The following SH3RF1 variants were observed in gnomAD, a reference collection of about 807,000 sequenced individuals.
SH3RF1 encodes SH3 domain containing ring finger 1.
Under a neutral mutation model 74.0 loss-of-function variants are expected in SH3RF1, and 32 were observed. The ratio of observed to expected loss-of-function variants is 0.43; its 90% CI spans 0.33 to 0.58. SH3RF1 has a LOEUF of 0.58. Ranked by LOEUF, SH3RF1 falls within the 20% of genes least tolerant of loss-of-function variation. The pLI, the probability that SH3RF1 is intolerant of heterozygous loss-of-function variation, is 0.05. For synonymous variants in SH3RF1, 396 were observed against 439.6 expected, an observed-to-expected ratio of 0.90 and a Z score of 1.24; for missense variants, 954 against 1,130.9, an observed-to-expected ratio of 0.84 and a Z score of 2.24.
chr4:169,220,632 G>A (rs959792780), intron 2 of SH3RF1, among the ~76,000 whole-genome samples: 3 of 152,174 alleles, frequency 2.0e-5, no homozygotes, highest in Non-Finnish European at 4.4e-5. Flanking sequence ...CTGGGCACCT[G>A]GGCACCCAGC....
chr4:169,243,852 T>C (rs1490732344), intron 2 of SH3RF1, among the ~76,000 whole-genome samples: 1 of 152,256 alleles, frequency 6.6e-6, no homozygotes, highest in African/African-American at 2.4e-5. Flanking sequence ...AATTCCCTCC[T>C]GACTACAAAT....
intron 5 of SH3RF1, among the ~76,000 whole-genome samples, chr4:169,134,132 C>T (rs754769114): frequency 1.3e-5 from 2 of 152,186 alleles, no homozygotes; most frequent in African/African-American, 4.8e-5. Flanking sequence ...GCACTTCAAA[C>T]ACCTCCCAGC....
intron 2 of SH3RF1, among the ~76,000 whole-genome samples, chr4:169,159,581 T>C (rs1734119246): frequency 6.6e-6 from 1 of 152,180 alleles, no homozygotes; most frequent in African/African-American, 2.4e-5. Context: ...CTTTCTTCAT[T>C]TGGGCTGTTG....
intron 4 of SH3RF1, among the ~76,000 whole-genome samples, chr4:169,141,097 C>G (rs933215476): frequency 6.6e-6 from 1 of 151,664 alleles, no homozygotes; most frequent in Admixed American, 6.6e-5. Flanking sequence ...AGATTGGACA[C>G]CCTTGGTATA....
At chr4:169,154,675 G>A (rs1734025300) in intron 4 of SH3RF1, among the ~76,000 whole-genome samples, 1 of 152,036 alleles carries the variant, frequency 6.6e-6, no homozygotes, top group Non-Finnish European at 1.5e-5. Context: ...TATCTACTAA[G>A]ACCTCACTTC....
intron 2 of SH3RF1, among the ~76,000 whole-genome samples, chr4:169,262,115 G>A (rs1357193738): frequency 6.6e-6 from 1 of 152,110 alleles, no homozygotes; most frequent in African/African-American, 2.4e-5. Context: ...AAAAACTGGA[G>A]TAGGTCTATG....
intron 2 of SH3RF1, among the ~76,000 whole-genome samples, chr4:169,177,855 AAT>A (rs367726071): frequency 6.6e-5 from 10 of 150,766 alleles, no homozygotes; most frequent in East Asian, 1.9e-4. Context: ...GTATGTATAT[AAT>A]ATATATATAT....
At chr4:169,209,382 C>T (rs573560644) in intron 2 of SH3RF1, among the ~76,000 whole-genome samples, 40 of 152,204 alleles carry the variant, frequency 2.6e-4, no homozygotes, top group South Asian at 1.2e-3. Context: ...CCACTTCATC[C>T]GGGATGCTTT....
chr4:169,229,470 C>A lies in SH3RF1; in HGVS notation c.393+39350G>T, dbSNP rs534368344. Among the ~76,000 whole-genome samples the A allele has an allele frequency of 2.6e-4, 40 of 151,496 alleles. 1 individual carries two copies. In the East Asian group the frequency reaches 6.6e-3, roughly 25 times the overall value. On this transcript the variant is annotated intron_variant, in intron 2 of 11. Coordinates refer to ENST00000284637, the MANE Select transcript of SH3RF1 (RefSeq NM_020870.4). ...AAACATAAATTGGTATACCACCCCC[C>A]CACCCAAAAAAAAAACCTATTCGGT...
chr4:169,208,305 A>G (rs1730295322), intron 2 of SH3RF1, among the ~76,000 whole-genome samples: 1 of 152,004 alleles, frequency 6.6e-6, no homozygotes, highest in Non-Finnish European at 1.5e-5. Flanking sequence ...AATTTCATTC[A>G]TCCTTTTGTT....
chr4:169,217,834 T>G (rs6847734), intron 2 of SH3RF1, among the ~76,000 whole-genome samples: 1 of 152,112 alleles, frequency 6.6e-6, no homozygotes, highest in African/African-American at 2.4e-5. Flanking sequence ...TTTAAAATGT[T>G]AAGTCTTATG....
intron 2 of SH3RF1, among the ~76,000 whole-genome samples, chr4:169,267,675 C>G (rs1448417589): frequency 6.6e-6 from 1 of 152,092 alleles, no homozygotes; most frequent in Non-Finnish European, 1.5e-5. Context: ...TAAATACTTC[C>G]TATCATTTAC....
At chr4:169,197,774 A>G (rs1472739110) in intron 2 of SH3RF1, among the ~76,000 whole-genome samples, 1 of 152,162 alleles carries the variant, frequency 6.6e-6, no homozygotes, top group East Asian at 1.9e-4. Flanking sequence ...CAAAGACCTG[A>G]TACTACTACA....
At chr4:169,198,710 A>G (rs2126988835) in intron 2 of SH3RF1, among the ~76,000 whole-genome samples, 1 of 152,292 alleles carries the variant, frequency 6.6e-6, no homozygotes, top group South Asian at 2.1e-4. Flanking sequence ...ACACCTAGAC[A>G]TATTATCATA....
chr4:169,247,075 T>C (rs1452034640), intron 2 of SH3RF1, among the ~76,000 whole-genome samples: 1 of 152,210 alleles, frequency 6.6e-6, no homozygotes, highest in East Asian at 1.9e-4. Context: ...AAAGAGGACT[T>C]CAAGGGGCTA....
rs181342417 is a variant in SH3RF1 at position 169,180,801 on chromosome 4, A to C, written c.394-24122T>G. On this transcript the variant is annotated intron_variant, in intron 2 of 11. Coordinates refer to ENST00000284637, the MANE Select transcript of SH3RF1 (RefSeq NM_020870.4). ...ATAAACTTCAATATAAACAACAAAA[A>C]AAGTAAACCCACCACTTTTAGACAC... 7.2e-5 allele frequency among the ~76,000 whole-genome samples: 11 copies of C among 152,348 alleles called. No individual in the cohort carries two copies. The East Asian group carries it at 2.1e-3, about 29-fold the overall frequency.
chr4:169,228,058 C>T (rs1730678183), intron 2 of SH3RF1, among the ~76,000 whole-genome samples: 1 of 152,172 alleles, frequency 6.6e-6, no homozygotes, highest in Admixed American at 6.5e-5. Context: ...CACGTAGTTA[C>T]CTCCCTATTC....
At chr4:169,199,838 G>C (rs987255395) in intron 2 of SH3RF1, among the ~76,000 whole-genome samples, 8 of 152,058 alleles carry the variant, frequency 5.3e-5, no homozygotes, top group African/African-American at 1.9e-4. Context: ...CAAACATTCA[G>C]CAAGCACGAC....
At chr4:169,160,235 G>A (rs1321017488) in intron 2 of SH3RF1, among the ~76,000 whole-genome samples, 1 of 152,236 alleles carries the variant, frequency 6.6e-6, no homozygotes, top group African/African-American at 2.4e-5. Context: ...GAAGAGATCT[G>A]TAAAATTCCA....
Sources: gnomAD v4.1 joint callset for allele counts (sites outside exome capture counted in the v4.1 genomes callset) on GRCh38, gnomAD v4.1.1 for gene constraint, MANE v1.5 for transcripts, NCBI Gene and HGNC (gene_info 2026-07-23, HGNC 2026-07-21) for gene names.